IGSF23: variants seen among roughly 807,000 people sequenced by gnomAD.
IGSF23 encodes immunoglobulin superfamily, member 23.
In IGSF23, 14 loss-of-function variants were observed where a neutral mutation model predicts 17.8. The observed-to-expected ratio is 0.79, with a 90% CI of 0.52 to 1.23. The LOEUF (loss-of-function observed/expected upper bound fraction) is 1.23. IGSF23 is among the 50% of genes most tolerant of loss of function. The pLI is 0.00. For synonymous variants in IGSF23, 85 were observed against 92.5 expected, an observed-to-expected ratio of 0.92 and a Z score of 0.46; for missense variants, 214 against 241.7, an observed-to-expected ratio of 0.89 and a Z score of 0.76.
chr19:44,620,384 TGA>T (rs1555756255), intron 1 of IGSF23, among the ~76,000 whole-genome samples: 52 of 143,052 alleles, frequency 3.6e-4, no homozygotes, highest in South Asian at 1.5e-3. Context: ...TGTGTGTGTG[TGA>T]GATGGAGCCT....
intron 3 of IGSF23, among the ~76,000 whole-genome samples, chr19:44,628,699 G>A (rs1286184537): frequency 6.6e-6 from 1 of 152,158 alleles, no homozygotes; most frequent in Non-Finnish European, 1.5e-5. Flanking sequence ...ACTGCAGTGA[G>A]CTAGGATCAT....
chr19:44,615,105 C>A (rs532517523), intron 1 of IGSF23, among the ~76,000 whole-genome samples: 1 of 151,464 alleles, frequency 6.6e-6, no homozygotes, highest in African/African-American at 2.4e-5. Flanking sequence ...CTGGCTAACA[C>A]GGTGAAACCC....
intron 1 of IGSF23, among the ~76,000 whole-genome samples, chr19:44,619,747 A>G (rs1166884136): frequency 1.3e-5 from 2 of 152,016 alleles, no homozygotes; most frequent in Non-Finnish European, 2.9e-5. Flanking sequence ...TGTGTGTCCA[A>G]ACTTCCTCTT....
At chr19:44,635,653 C>T (rs896967540) in intron 4 of IGSF23, among the ~76,000 whole-genome samples, 188 bp downstream of exon 4, 2 of 152,134 alleles carry the variant, frequency 1.3e-5, no homozygotes, top group Non-Finnish European at 2.9e-5. Flanking sequence ...ACCCCATCTG[C>T]CCAGCTCATC....
intron 3 of IGSF23, among the ~76,000 whole-genome samples, chr19:44,634,615 TC>T (rs1392845995): frequency 6.6e-6 from 1 of 152,080 alleles, no homozygotes; most frequent in African/African-American, 2.4e-5. Flanking sequence ...TCGCCCAGCG[TC>T]CTCCAGAAAA....
intron 1 of IGSF23, among the ~76,000 whole-genome samples, chr19:44,618,958 T>C (rs1022844655): frequency 3.4e-5 from 5 of 146,790 alleles, no homozygotes; most frequent in South Asian, 2.2e-4. Flanking sequence ...TATAAAGACA[T>C]ACCTGAGACT....
intron 3 of IGSF23, 151 bp from the exon 4 acceptor site, chr19:44,635,250 C>A: frequency 3.1e-6 from 2 of 644,534 alleles, no homozygotes; most frequent in South Asian, 3.8e-5. Flanking sequence ...TTTAACCTTA[C>A]TGTGTCTGAA....
chr19:44,614,034 A>G (rs1031364357), intron 1 of IGSF23: 2 of 1,439,092 alleles, frequency 1.4e-6, no homozygotes, highest in Admixed American at 4.1e-5. Flanking sequence ...AGGGACAAGG[A>G]GGAGAGTGTC....
chr19:44,618,865 A>G (rs180959769), intron 1 of IGSF23, among the ~76,000 whole-genome samples: 214 of 152,302 alleles, frequency 1.4e-3, no homozygotes, highest in African/African-American at 4.9e-3. Context: ...AACAGGAAGG[A>G]AAAAGGCCCC....
Position 44,634,815 on chromosome 19 carries a change from GAA to G in IGSF23, c.546-572_546-571del, listed in dbSNP as rs61334428. On this transcript the variant is annotated intron_variant, in intron 3 of 4. Transcript: ENST00000402988. ...GACTGTCTCCAAAAAAAAGAAAAAA[GAA>G]AAAAAAAAAAAAACCCAGGGATGTG... Among the ~76,000 whole-genome samples the G allele has an allele frequency of 3.8e-4, 45 of 118,852 alleles. 1 individual carries two copies. Among genetic ancestry groups the G allele is most frequent in the East Asian group, 1.7e-3 (7 of 4,220 alleles). The allele number at this position is 118,852 out of a possible 152,430, so 78.0% of individuals were successfully genotyped here. A position where few individuals can be genotyped will look rare whatever the true frequency, so the allele number is the denominator to read the frequency against.
intron 1 of IGSF23, among the ~76,000 whole-genome samples, chr19:44,618,631 T>C (rs1324783311): frequency 6.6e-6 from 1 of 152,182 alleles, no homozygotes; most frequent in Non-Finnish European, 1.5e-5. Context: ...ATGACCTCCT[T>C]CATGTGCCTG....
At chr19:44,634,124 G>T (rs899812111) in intron 3 of IGSF23, among the ~76,000 whole-genome samples, 1 of 151,538 alleles carries the variant, frequency 6.6e-6, no homozygotes, top group Non-Finnish European at 1.5e-5. Flanking sequence ...AATCTACTGC[G>T]GCACTACCGG....
intron 2 of IGSF23, among the ~76,000 whole-genome samples, chr19:44,625,440 T>G (rs1972623565): frequency 6.6e-6 from 1 of 152,114 alleles, no homozygotes; most frequent in African/African-American, 2.4e-5. Flanking sequence ...ATCAGAGAAG[T>G]GGTTTGGGAC....
At chr19:44,629,634 T>TTC (rs1246762710) in intron 3 of IGSF23, among the ~76,000 whole-genome samples, 2 of 142,540 alleles carry the variant, frequency 1.4e-5, no homozygotes, top group Non-Finnish European at 3.1e-5. Context: ...TATGCTTTCT[T>TTC]TTTTTTTTTT....
chr19:44,634,442 A>T (rs879025899), intron 3 of IGSF23, among the ~76,000 whole-genome samples: 1 of 152,214 alleles, frequency 6.6e-6, no homozygotes. Flanking sequence ...AAAGGCTCAA[A>T]TGTAGCTATA....
At chr19:44,624,953 C>G (rs1017139755) in intron 2 of IGSF23, among the ~76,000 whole-genome samples, 1 of 150,738 alleles carries the variant, frequency 6.6e-6, no homozygotes, top group African/African-American at 2.5e-5. Context: ...GGTAATGCCA[C>G]CTGTAGTCCC....
intron 3 of IGSF23, among the ~76,000 whole-genome samples, chr19:44,628,736 A>G (rs937177665): frequency 1.3e-5 from 2 of 152,208 alleles, no homozygotes; most frequent in African/African-American, 4.8e-5. Flanking sequence ...CTGGACACAG[A>G]GTGAGACCCT....
At chr19:44,618,016 G>A (rs1190468330) in intron 1 of IGSF23, 8 of 465,022 alleles carry the variant, frequency 1.7e-5, no homozygotes, top group East Asian at 7.0e-5. Context: ...ATATACGTGC[G>A]TGCTTCAAGG....
In IGSF23 at chr19:44,613,862, A is replaced by G. The variant is rs549884847; in HGVS notation, c.125+92A>G. 65 of 1,547,530 alleles carry G rather than the reference A, an allele frequency of 4.2e-5. No individual in the cohort carries two copies. The Middle Eastern group carries it at 5.0e-4, about 12-fold the overall frequency. ...GCCGGGGCTGCAGACGCGACTGTAC[A>G]GGTCTATGAAGACCCCATGTGTGAT... On this transcript the variant is annotated intron_variant, in intron 1 of 4. Coordinates refer to ENST00000402988, the MANE Select transcript of IGSF23 (RefSeq NM_001205280.2).
Sources: gnomAD v4.1 joint callset for allele counts (sites outside exome capture counted in the v4.1 genomes callset) on GRCh38, gnomAD v4.1.1 for gene constraint, MANE v1.5 for transcripts, NCBI Gene and HGNC (gene_info 2026-07-23, HGNC 2026-07-21) for gene names.